Variants in PHF21B observed in about 807,000 individuals in gnomAD.
PHF21B encodes the protein PHD finger protein 4.
A neutral mutation model predicts 62.2 loss-of-function variants in PHF21B; 22 were observed. The observed-to-expected ratio is 0.35, with a 90% CI of 0.25 to 0.51. PHF21B has a LOEUF of 0.51. Ranked by LOEUF, PHF21B falls within the 20% of genes least tolerant of loss-of-function variation. The pLI is 0.97. For synonymous variants in PHF21B, 341 were observed against 314.7 expected, an observed-to-expected ratio of 1.08 and a Z score of -0.88; for missense variants, 701 against 707.9, an observed-to-expected ratio of 0.99 and a Z score of 0.11.
chr22:44,964,688 G>T (rs1157157383), intron 2 of PHF21B, among the ~76,000 whole-genome samples: 1 of 152,238 alleles, frequency 6.6e-6, no homozygotes, highest in Non-Finnish European at 1.5e-5. Flanking sequence ...CAACCAGTGG[G>T]TCTACTCTGT....
At chr22:44,892,026 G>T (rs1447302137) in intron 7 of PHF21B, among the ~76,000 whole-genome samples, 1 of 152,344 alleles carries the variant, frequency 6.6e-6, no homozygotes, top group Non-Finnish European at 1.5e-5. Context: ...GGGTCACGGG[G>T]CCTTGGGTTG....
intron 2 of PHF21B, among the ~76,000 whole-genome samples, chr22:44,980,957 A>C (rs890976888): frequency 1.3e-5 from 2 of 152,228 alleles, no homozygotes; most frequent in Non-Finnish European, 2.9e-5. Context: ...TTGCTAATCA[A>C]ATCAAACCAT....
intron 2 of PHF21B, among the ~76,000 whole-genome samples, chr22:44,951,019 A>T (rs2072182679): frequency 6.6e-6 from 1 of 152,152 alleles, no homozygotes; most frequent in African/African-American, 2.4e-5. Context: ...TCTGACGTAA[A>T]GCCTGCCGCC....
At chr22:45,003,833 AC>A (rs2073263568) in intron 2 of PHF21B, among the ~76,000 whole-genome samples, 6 of 152,244 alleles carry the variant, frequency 3.9e-5, no homozygotes, top group African/African-American at 1.4e-4. Context: ...AAGTGCTGAT[AC>A]GTGCTACAAC....
intron 2 of PHF21B, among the ~76,000 whole-genome samples, chr22:44,947,268 T>C (rs1191187319): frequency 6.7e-6 from 1 of 150,360 alleles, no homozygotes; most frequent in Non-Finnish European, 1.5e-5. Flanking sequence ...TCTGAGCACC[T>C]ACTCGGCACC....
chr22:44,933,985 C>T lies in PHF21B; in HGVS notation c.121-13495G>A, dbSNP rs536739606. On this transcript the variant is annotated intron_variant, in intron 2 of 12. Transcript: ENST00000313237. ...ATGCTCAGCAGTCGCTGCATTTCCA[C>T]GCAGTTTGAGGGACTTCCTGGTGAA... 1.1e-4 allele frequency among the ~76,000 whole-genome samples: 17 copies of T among 152,336 alleles called. No homozygotes were observed. The East Asian group carries it at 2.9e-3, about 26-fold the overall frequency.
At chr22:44,888,735 G>A (rs2070905749) in intron 9 of PHF21B, among the ~76,000 whole-genome samples, 1 of 152,242 alleles carries the variant, frequency 6.6e-6, no homozygotes, top group Non-Finnish European at 1.5e-5. Flanking sequence ...TGTCCCTGAA[G>A]GAGGGGCAAC....
At chr22:44,928,619 G>C (rs528651498) in intron 2 of PHF21B, among the ~76,000 whole-genome samples, 1 of 152,112 alleles carries the variant, frequency 6.6e-6, no homozygotes, top group Non-Finnish European at 1.5e-5. Context: ...CATGTTGACT[G>C]GGCTGGTCTC....
intron 2 of PHF21B, among the ~76,000 whole-genome samples, chr22:44,958,302 G>T (rs964975064): frequency 2.0e-5 from 3 of 152,194 alleles, no homozygotes; most frequent in Admixed American, 6.5e-5. Flanking sequence ...TCTAGTCGGG[G>T]TCTGCTGAAA....
At chr22:44,884,572 C>T (rs1404787398) in intron 12 of PHF21B, among the ~76,000 whole-genome samples, 1 of 151,474 alleles carries the variant, frequency 6.6e-6, no homozygotes. Context: ...GCCATTATCA[C>T]CATCACTGTG....
intron 2 of PHF21B, among the ~76,000 whole-genome samples, chr22:44,977,743 T>A (rs1254727611): frequency 7.3e-6 from 1 of 136,720 alleles, no homozygotes; most frequent in African/African-American, 3.1e-5. Context: ...CACACCCAGC[T>A]CATTTTTCAT....
chr22:44,899,756 C>T (rs1178278508), intron 5 of PHF21B, among the ~76,000 whole-genome samples: 2 of 151,942 alleles, frequency 1.3e-5, no homozygotes, highest in East Asian at 1.9e-4. Flanking sequence ...CTTTTTGCTG[C>T]AATCATAAAT....
chr22:44,896,880 G>GTTTT lies in PHF21B; in HGVS notation c.832-801_832-798dup, dbSNP rs56878868. Among the ~76,000 whole-genome samples, 7 of 84,092 alleles carry GTTTT rather than the reference G, an allele frequency of 8.3e-5. 2 individuals are homozygous for GTTTT. The highest frequency in any genetic ancestry group is 3.7e-4 in the South Asian group (1 of 2,716). 55.2% of individuals were successfully genotyped at this position (84,092 alleles called of 152,430 possible). A position where few individuals can be genotyped will look rare whatever the true frequency, so the allele number is the denominator to read the frequency against. On this transcript the variant is annotated intron_variant, in intron 5 of 12. Coordinates refer to ENST00000313237, the MANE Select transcript of PHF21B (RefSeq NM_138415.5). ...AACAGGGTGGCACTTAGTTTTATCT[G>GTTTT]TTTTTTTTTTTTTTTTGAGACAGGT...
chr22:44,884,171 CACCACCATCATT>C (rs1243779322), intron 12 of PHF21B, among the ~76,000 whole-genome samples: 2 of 151,134 alleles, frequency 1.3e-5, no homozygotes, highest in African/African-American at 2.5e-5. Context: ...TCAGCACCAT[CACCACCATCATT>C]ACCACCATCA....
chr22:44,887,690 G>A (rs184520819), intron 10 of PHF21B, among the ~76,000 whole-genome samples: 1 of 150,200 alleles, frequency 6.7e-6, no homozygotes, highest in Non-Finnish European at 1.5e-5. Flanking sequence ...AGGAGGCAGA[G>A]GTTGCAATGA....
Position 44,916,387 on chromosome 22 carries a change from T to A in PHF21B, c.457A>T (p.Ile153Phe). 1.3e-6 allele frequency: 2 copies of A among 1,590,456 alleles called. No homozygotes were observed. Among genetic ancestry groups the A allele is most frequent in the African/African-American group, 1.4e-5 (1 of 73,948 alleles). Residue 153 changes from isoleucine to phenylalanine, a missense_variant, in exon 4 of 13, where the codon ATC becomes TTC. Transcript: ENST00000313237. ...GCGGCATTGCTGGGGGAGGTGGAGATGATGGCGTAGGCCACCCCCGCACTG... is the reference window on the plus strand; with the variant it reads ...GCGGCATTGCTGGGGGAGGTGGAGAAGATGGCGTAGGCCACCCCCGCACTG... ...LSSAGVAYAIISTSPSNAAAM... is the reference protein window; with the variant it reads ...LSSAGVAYAIFSTSPSNAAAM...
In PHF21B at chr22:44,914,070, AGAGGAGGCGTG is replaced by A. The variant is rs548517560; in HGVS notation, c.572_582del (p.Pro191LeufsTer147). ...TGATGGGTTGCGGGGTGAGGGGAAG[AGAGGAGGCGTG>A]GAGGAGGCTGGAGAGCGAGGGTGAG... On this transcript the variant is annotated frameshift_variant, in exon 5 of 13. Coordinates refer to ENST00000313237, the MANE Select transcript of PHF21B (RefSeq NM_138415.5). LOFTEE classifies it high-confidence loss of function. 518 of 1,128,466 alleles carry A rather than the reference AGAGGAGGCGTG, an allele frequency of 4.6e-4. 3 individuals are homozygous for A. The African/African-American group carries it at 7.8e-3, about 17-fold the overall frequency. The allele number at this position is 1,128,466 out of a possible 1,614,324, so 69.9% of individuals were successfully genotyped here. A position where few individuals can be genotyped will look rare whatever the true frequency, so the allele number is the denominator to read the frequency against.
At chr22:44,974,736 T>C (rs2072705492) in intron 2 of PHF21B, among the ~76,000 whole-genome samples, 1 of 152,220 alleles carries the variant, frequency 6.6e-6, no homozygotes, top group Non-Finnish European at 1.5e-5. Context: ...CCGCCTCCCA[T>C]GCTGGGTTTA....
In PHF21B at chr22:44,891,216, C is replaced by T. The variant is rs566629354; in HGVS notation, c.1015+90G>A. ...GTCAGACCAGTGGGAGGCGGGCAGC[C>T]CTGCCCAGGCCCAGGCGTGGAGGAC... On this transcript the variant is annotated intron_variant, in intron 8 of 12. Coordinates refer to ENST00000313237, the MANE Select transcript of PHF21B (RefSeq NM_138415.5). 4.8e-4 allele frequency: 705 copies of T among 1,471,076 alleles called. 3 individuals are homozygous for T. The African/African-American group carries it at 9.1e-3, about 19-fold the overall frequency. 91.1% of individuals were successfully genotyped at this position (1,471,076 alleles called of 1,614,324 possible). A position where few individuals can be genotyped will look rare whatever the true frequency, so the allele number is the denominator to read the frequency against.
Sources: gnomAD v4.1 joint callset for allele counts (sites outside exome capture counted in the v4.1 genomes callset) on GRCh38, gnomAD v4.1.1 for gene constraint, MANE v1.5 for transcripts, NCBI Gene and HGNC (gene_info 2026-07-23, HGNC 2026-07-21) for gene names.